Variants in STARD13 observed in about 807,000 individuals in gnomAD.
STARD13 encodes the protein StAR related lipid transfer domain containing 13, also known as stAR-related lipid transfer protein 13.
In STARD13, 62 loss-of-function variants were observed where a neutral mutation model predicts 106.4. The observed-to-expected ratio is 0.58, with a 90% CI of 0.48 to 0.72. STARD13 has a LOEUF of 0.72. STARD13 is among the 30% of genes least tolerant of loss of function. STARD13 has a pLI of 0.00. For missense variants in STARD13, 1,387 were observed against 1,424.0 expected, an observed-to-expected ratio of 0.97 and a Z score of 0.42; for synonymous variants, 565 against 553.0, an observed-to-expected ratio of 1.02 and a Z score of -0.31.
At chr13:33,188,439 G>A (rs1270949240) in intron 1 of STARD13, among the ~76,000 whole-genome samples, 1 of 152,094 alleles carries the variant, frequency 6.6e-6, no homozygotes, top group Non-Finnish European at 1.5e-5. Context: ...GACACAGAGA[G>A]TTAATTCTGA....
At chr13:33,206,140 C>T (rs1040660520) in intron 1 of STARD13, 1 of 377,400 alleles carries the variant, frequency 2.6e-6, no homozygotes, top group Admixed American at 6.5e-5. Context: ...TTAAAACTGG[C>T]TCTGCCGCTC....
intron 1 of STARD13, among the ~76,000 whole-genome samples, chr13:33,294,255 A>G (rs1019314356): frequency 8.5e-5 from 13 of 152,236 alleles, no homozygotes; most frequent in Non-Finnish European, 1.8e-4. Flanking sequence ...AGCTGACCCT[A>G]CAGATACCTC....
At chr13:33,517,067 T>C in the STARD13 span, among the ~76,000 whole-genome samples, 1 of 152,070 alleles carries the variant, frequency 6.6e-6, no homozygotes, top group Non-Finnish European at 1.5e-5. Context: ...ACTATTAAAA[T>C]TAATTATACC....
At chr13:33,135,217 G>T (rs1338120579) in intron 4 of STARD13, among the ~76,000 whole-genome samples, 1 of 152,242 alleles carries the variant, frequency 6.6e-6, no homozygotes, top group African/African-American at 2.4e-5. Context: ...CTCAGAGTGT[G>T]GTCAGGGGGC....
intron 1 of STARD13, among the ~76,000 whole-genome samples, chr13:33,331,837 T>C (rs999710047): frequency 6.7e-6 from 1 of 149,026 alleles, no homozygotes; most frequent in African/African-American, 2.4e-5. Context: ...TTTCTCCCAT[T>C]TGCATAAAAA....
Position 33,280,429 on chromosome 13 carries a change from T to A in STARD13, c.169+5041A>T, listed in dbSNP as rs1891716351. On this transcript the variant is annotated intron_variant, in intron 1 of 13. Transcript: ENST00000336934. ...TTCACTACTTTCTCGGTAGTGAAAC[T>A]TTCTACATTCCACATTTTCTATCAA... The A allele has an allele frequency of 2.6e-5, 4 of 152,202 alleles. No individual in the cohort carries two copies. The South Asian group carries it at 8.3e-4, about 31-fold the overall frequency. The allele number at this position is 152,202 out of a possible 1,614,324, so 9.4% of individuals were successfully genotyped here. A position where few individuals can be genotyped will look rare whatever the true frequency, so the allele number is the denominator to read the frequency against.
At position 33,167,579 on chromosome 13, in the gene STARD13, C is replaced by T. The variant is rs17078661; in HGVS notation, c.213G>A (p.Gly71=). 11,017 of 1,614,140 alleles carry T rather than the reference C, an allele frequency of 6.8e-3. 686 individuals carry two copies. The African/African-American group carries it at 0.13, about 19-fold the overall frequency. ...CATATAACTGAGCGTATTGCGGGAA[C>T]CCGGCAGCACGGAGCCAGTCACATG... The part of the protein sequence containing the change: ...KEACDWLRAA[G]FPQYAQLYED... Residue 71 remains glycine, a synonymous_variant, in exon 2 of 14, where the codon GGG becomes GGA. Coordinates refer to ENST00000336934, the MANE Select transcript of STARD13 (RefSeq NM_178006.4).
At chr13:33,126,759 A>C (rs994841733) in intron 6 of STARD13, among the ~76,000 whole-genome samples, 13 of 152,226 alleles carry the variant, frequency 8.5e-5, no homozygotes, top group African/African-American at 2.9e-4. Context: ...AAAATATTTC[A>C]TAAAAGCACC....
At chr13:33,374,243 A>G in the STARD13 span, among the ~76,000 whole-genome samples, 1 of 152,198 alleles carries the variant, frequency 6.6e-6, no homozygotes, top group African/African-American at 2.4e-5. Flanking sequence ...TGTCAAATTC[A>G]TACAGACAAA....
At chr13:33,386,577 C>T in the STARD13 span, among the ~76,000 whole-genome samples, 1 of 152,134 alleles carries the variant, frequency 6.6e-6, no homozygotes, top group African/African-American at 2.4e-5. Context: ...GGTCGACGTG[C>T]AGCCTGGAAC....
intron 1 of STARD13, among the ~76,000 whole-genome samples, chr13:33,331,984 C>T (rs944144429): frequency 6.6e-6 from 1 of 152,196 alleles, no homozygotes; most frequent in Non-Finnish European, 1.5e-5. Context: ...AAAGGTCTCA[C>T]TGCTTCCACT....
At chr13:33,169,739 G>A (rs1393738759) in intron 1 of STARD13, among the ~76,000 whole-genome samples, 1 of 152,150 alleles carries the variant, frequency 6.6e-6, no homozygotes, top group East Asian at 1.9e-4. Flanking sequence ...CACAAGACAG[G>A]GGCTCTGCAG....
chr13:33,116,716 C>T (rs969059709), intron 8 of STARD13, among the ~76,000 whole-genome samples: 2 of 152,334 alleles, frequency 1.3e-5, no homozygotes, highest in African/African-American at 2.4e-5. Flanking sequence ...GTAGTTCAAC[C>T]TCTCACAGCA....
the STARD13 span, among the ~76,000 whole-genome samples, chr13:33,623,428 T>TAA: frequency 4.5e-4 from 27 of 59,346 alleles, no homozygotes; most frequent in East Asian, 1.0e-3. Flanking sequence ...CTCAATAAAG[T>TAA]AAAAAAAAAA....
the STARD13 span, among the ~76,000 whole-genome samples, chr13:33,407,351 T>C: frequency 2.7e-4 from 41 of 152,252 alleles, no homozygotes; most frequent in African/African-American, 8.7e-4. Flanking sequence ...ATCTTGCAGA[T>C]TGTGGCTGAA....
the STARD13 span, among the ~76,000 whole-genome samples, chr13:33,560,875 G>A: frequency 1.6e-4 from 24 of 151,456 alleles, no homozygotes; most frequent in Non-Finnish European, 2.8e-4. Context: ...CTTGTGTTTG[G>A]TTTGAGTTAT....
At chr13:33,209,297 A>G (rs1310931780) in intron 1 of STARD13, among the ~76,000 whole-genome samples, 1 of 152,178 alleles carries the variant, frequency 6.6e-6, no homozygotes, top group African/African-American at 2.4e-5. Flanking sequence ...GCCTTGATCA[A>G]TTTCATAATC....
At chr13:33,519,208 T>TTTTC in the STARD13 span, among the ~76,000 whole-genome samples, 12,408 of 99,956 alleles carry the variant, frequency 0.12, 691 homozygotes, top group East Asian at 0.15. Flanking sequence ...CTTGGTAATT[T>TTTTC]TTTCTTTCTT....
chr13:33,645,391 A>G, the STARD13 span, among the ~76,000 whole-genome samples: 2,583 of 152,306 alleles, frequency 0.017, 26 homozygotes, highest in Middle Eastern at 0.041. Flanking sequence ...ATGTGTCTAT[A>G]GGTGGATTCA....
Sources: allele counts gnomAD v4.1 joint callset (sites outside exome capture counted in the v4.1 genomes callset), GRCh38; gene constraint gnomAD v4.1.1; transcripts MANE v1.5; gene names NCBI Gene and HGNC (gene_info 2026-07-23, HGNC 2026-07-21).